The following BMERB1 variants were observed in gnomAD, a reference collection of about 807,000 sequenced individuals.
The protein encoded by BMERB1 is bMERB domain containing 1, also known as bMERB domain-containing protein 1.
BMERB1 carries 12 observed loss-of-function variants against 23.6 expected under a neutral mutation model. The observed-to-expected ratio is 0.51, with a 90% CI of 0.33 to 0.82. BMERB1 has a LOEUF of 0.82. Among genes scored for constraint, BMERB1 ranks in the 40% least tolerant of loss-of-function variants. The probability of loss-of-function intolerance (pLI) is 0.03; values close to 1 mark genes in which losing one functional copy is unlikely to be tolerated. For synonymous variants in BMERB1, 122 were observed against 96.6 expected (o/e 1.26, Z -1.54); for missense variants, 247 against 255.4 (o/e 0.97, Z 0.22).
At chr16:15,532,273 C>T (rs1171054001) in intron 2 of BMERB1, among the ~76,000 whole-genome samples, 2 of 152,052 alleles carry the variant, frequency 1.3e-5, no homozygotes, top group African/African-American at 4.8e-5. Context: ...ACTCTGTCAC[C>T]TGGGCTGGAA....
chr16:15,546,644 T>C (rs2150964675), intron 2 of BMERB1, among the ~76,000 whole-genome samples: 1 of 152,344 alleles, frequency 6.6e-6, no homozygotes, highest in Middle Eastern at 3.4e-3. Context: ...AAGTGTGCGT[T>C]CACCTAAAGA....
chr16:15,579,944 T>C (rs1007922084), intron 3 of BMERB1, among the ~76,000 whole-genome samples: 1 of 152,180 alleles, frequency 6.6e-6, no homozygotes, highest in Non-Finnish European at 1.5e-5. Flanking sequence ...GTATGCAATT[T>C]AGTATGCAGG....
chr16:15,496,063 A>G (rs2051470110), intron 1 of BMERB1, among the ~76,000 whole-genome samples: 3 of 151,774 alleles, frequency 2.0e-5, no homozygotes, highest in African/African-American at 7.3e-5. Context: ...GGTGATGGTG[A>G]TGATGACAGT....
At chr16:15,507,585 C>T (rs566893533) in intron 1 of BMERB1, among the ~76,000 whole-genome samples, 38 of 152,284 alleles carry the variant, frequency 2.5e-4, no homozygotes, top group Admixed American at 1.4e-3. Context: ...TTGTCTCTAG[C>T]CAGCTTGAAA....
intron 3 of BMERB1, among the ~76,000 whole-genome samples, chr16:15,579,850 T>G (rs919349936): frequency 6.6e-6 from 1 of 152,156 alleles, no homozygotes; most frequent in Non-Finnish European, 1.5e-5. Flanking sequence ...GACCCTGGCT[T>G]TGTCATGACC....
intron 2 of BMERB1, among the ~76,000 whole-genome samples, chr16:15,535,310 C>T (rs545037367): frequency 5.9e-5 from 9 of 152,136 alleles, no homozygotes; most frequent in African/African-American, 2.2e-4. Context: ...ATGCTTGTGC[C>T]ACTGCACTCC....
intron 1 of BMERB1, among the ~76,000 whole-genome samples, chr16:15,497,131 A>T (rs2051481116): frequency 6.6e-6 from 1 of 152,230 alleles, no homozygotes; most frequent in Non-Finnish European, 1.5e-5. Flanking sequence ...CCTGCTGCTC[A>T]CTGCACAGAA....
chr16:15,575,842 A>G lies in BMERB1; in HGVS notation c.305-5375A>G, dbSNP rs144132577. 4.6e-5 allele frequency among the ~76,000 whole-genome samples: 7 copies of G among 152,150 alleles called. No individual in the cohort carries two copies. In the East Asian group the frequency reaches 1.4e-3, roughly 30 times the overall value. ...TTGCAGTTGCTTTCTGCGACCAATC[A>G]GATATACTTTCAATTTCTCATGTGA... is the stretch of plus-strand genomic sequence containing the variant. On this transcript the variant is annotated intron_variant, in intron 3 of 5. Coordinates refer to ENST00000300006, the MANE Select transcript of BMERB1 (RefSeq NM_033201.3).
chr16:15,544,417 C>T (rs1477026411), intron 2 of BMERB1, among the ~76,000 whole-genome samples: 1 of 152,182 alleles, frequency 6.6e-6, no homozygotes, highest in East Asian at 1.9e-4. Flanking sequence ...TCCCAGAGCA[C>T]GTTCAGTATG....
intron 1 of BMERB1, among the ~76,000 whole-genome samples, chr16:15,484,434 C>T (rs890607265): frequency 2.0e-5 from 3 of 151,872 alleles, no homozygotes; most frequent in African/African-American, 4.8e-5. Flanking sequence ...AAGAGTCTCG[C>T]TCTGCTGCCC....
intron 1 of BMERB1, among the ~76,000 whole-genome samples, chr16:15,497,517 C>G (rs945535965): frequency 6.6e-6 from 1 of 152,170 alleles, no homozygotes; most frequent in Non-Finnish European, 1.5e-5. Flanking sequence ...AAAAAACTGT[C>G]TATGGGACTA....
intron 1 of BMERB1, among the ~76,000 whole-genome samples, chr16:15,446,276 G>C (rs561666581): frequency 6.6e-6 from 1 of 152,096 alleles, no homozygotes; most frequent in African/African-American, 2.4e-5. Context: ...TGCACCTGTA[G>C]TCCTAGCTAC....
At chr16:15,500,536 G>T (rs763826078) in intron 1 of BMERB1, among the ~76,000 whole-genome samples, 1 of 152,186 alleles carries the variant, frequency 6.6e-6, no homozygotes, top group Non-Finnish European at 1.5e-5. Context: ...TTTGAGGAAG[G>T]GGAAGGTATC....
At chr16:15,511,062 T>A (rs1045337767) in intron 1 of BMERB1, among the ~76,000 whole-genome samples, 2 of 152,210 alleles carry the variant, frequency 1.3e-5, no homozygotes, top group Middle Eastern at 3.4e-3. Flanking sequence ...CTGTCCTCAC[T>A]GCTTCAATCC....
intron 2 of BMERB1, among the ~76,000 whole-genome samples, chr16:15,533,387 GTTTC>G (rs2051988921): frequency 6.6e-6 from 1 of 150,404 alleles, no homozygotes; most frequent in Non-Finnish European, 1.5e-5. Flanking sequence ...GAGGAAGTTC[GTTTC>G]TTTCTTTTTT....
At chr16:15,465,645 A>C (rs2051174998) in intron 1 of BMERB1, among the ~76,000 whole-genome samples, 1 of 152,054 alleles carries the variant, frequency 6.6e-6, no homozygotes, top group Non-Finnish European at 1.5e-5. Flanking sequence ...GACCCACCGC[A>C]CCCAGCCCTA....
At chr16:15,448,609 C>T (rs951137982) in intron 1 of BMERB1, among the ~76,000 whole-genome samples, 5 of 152,084 alleles carry the variant, frequency 3.3e-5, no homozygotes, top group Admixed American at 6.6e-5. Flanking sequence ...GCCTGGGAAA[C>T]GTGGCGAAAT....
chr16:15,443,612 T>C (rs951940374), intron 1 of BMERB1, among the ~76,000 whole-genome samples: 3 of 151,604 alleles, frequency 2.0e-5, no homozygotes, highest in African/African-American at 4.8e-5. Context: ...ATGAAACACA[T>C]GCTAAATGAA....
chr16:15,571,503 T>C (rs2030725929), intron 3 of BMERB1, among the ~76,000 whole-genome samples: 1 of 152,018 alleles, frequency 6.6e-6, no homozygotes, highest in Non-Finnish European at 1.5e-5. Context: ...TGTAGGCACC[T>C]GCCACCACGC....
Sources: allele counts gnomAD v4.1 joint callset (sites outside exome capture counted in the v4.1 genomes callset), GRCh38; gene constraint gnomAD v4.1.1; transcripts MANE v1.5; gene names NCBI Gene and HGNC (gene_info 2026-07-23, HGNC 2026-07-21).